CKAP5: variants seen among roughly 807,000 people sequenced by gnomAD.
The protein encoded by CKAP5 is cytoskeleton associated protein 5, also known as cytoskeleton-associated protein 5.
CKAP5 carries 27 observed loss-of-function variants against 232.8 expected under a neutral mutation model. That is an observed-to-expected ratio of 0.12 (90% CI 0.09 to 0.16). The LOEUF (loss-of-function observed/expected upper bound fraction) is 0.16. Among genes scored for constraint, CKAP5 ranks in the 10% least tolerant of loss-of-function variants. The pLI is 1.00. For synonymous variants in CKAP5, 785 were observed against 841.1 expected, an observed-to-expected ratio of 0.93 and a Z score of 1.16; for missense variants, 1,838 against 2,424.7, an observed-to-expected ratio of 0.76 and a Z score of 5.08.
In CKAP5 at chr11:46,762,775, G is replaced by A. The variant is rs1359955865; in HGVS notation, c.3892-13C>T. 3.1e-6 allele frequency: 5 copies of A among 1,612,390 alleles called. No homozygotes were observed. In the African/African-American group the frequency reaches 5.3e-5, roughly 17 times the overall value. On this transcript the variant is annotated splice_polypyrimidine_tract_variant and intron_variant, in intron 30 of 43. Transcript: ENST00000529230. ...TTGGTTCTCCAACCTAGTCGATAAG[G>A]AAAATAATGATTAAGTGAGGCATTT...
chr11:46,808,043 T>A lies in CKAP5; in HGVS notation c.966A>T (p.Lys322Asn). 1 of 1,612,966 alleles carries A rather than the reference T, an allele frequency of 6.2e-7. No individual in the cohort carries two copies. The highest frequency in any genetic ancestry group is 8.5e-7 in the Non-Finnish European group (1 of 1,179,038). ...TCCTCATATTTACCTTCTTTAATGC[T>A]TTTACTAAATCTGCATAATCGCCAG... is the stretch of plus-strand genomic sequence containing the variant. ...LEAGDYADLV[K>N]ALKKVVGKDT... Residue 322 changes from lysine (K) to asparagine (N), a missense_variant, in exon 8 of 44, where the codon AAA becomes AAT. Transcript: ENST00000529230.
chr11:46,837,598 G>A (rs901792069), intron 1 of CKAP5, among the ~76,000 whole-genome samples: 1 of 152,032 alleles, frequency 6.6e-6, no homozygotes, highest in Non-Finnish European at 1.5e-5. Context: ...CTAGCACTGG[G>A]ACAAGAAATA....
At chr11:46,756,616 T>C (rs929476656) in intron 35 of CKAP5, among the ~76,000 whole-genome samples, 13 of 152,204 alleles carry the variant, frequency 8.5e-5, no homozygotes, top group African/African-American at 3.1e-4. Context: ...CCATTCCATT[T>C]TCTCTAATGA....
chr11:46,778,117 A>T (rs761023664), intron 22 of CKAP5, 22 bp downstream of exon 22: 14 of 1,597,320 alleles, frequency 8.8e-6, no homozygotes, highest in Non-Finnish European at 1.1e-5. Context: ...AGATAAAAAG[A>T]ACAGCCGTAT....
rs1023108863 is a variant in CKAP5, at chr11:46,751,432, C to T, written c.5236G>A (p.Glu1746Lys). 1.2e-6 allele frequency: 2 copies of T among 1,613,942 alleles called. No homozygotes were observed. Among genetic ancestry groups the T allele is most frequent in the South Asian group, 1.1e-5 (1 of 91,084 alleles). ...IHIFMKVFPK[E>K]KLKQCKSEFP... ...TCACTTTTGCATTGCTTCAGTTTCT[C>T]TTTGGGGAAGACCTTCATGAAAATG... The change falls in exon 39 of 44, where the codon GAG becomes AAG. Residue 1746 changes from glutamate (E) to lysine (K), a missense_variant. By Grantham distance (56) the Glu-to-Lys change is moderately conservative. Around this residue, in one of 6 missense-constraint regions of CKAP5, gnomAD observed 579 missense variants for 843.2 expected, o/e 0.69. Coordinates refer to ENST00000529230, the MANE Select transcript of CKAP5 (RefSeq NM_001008938.4).
rs539044228 is a variant in CKAP5 at position 46,837,321 on chromosome 11, GT to G, written c.-38+8898del. Among the ~76,000 whole-genome samples the G allele has an allele frequency of 2.7e-3, 405 of 152,170 alleles. 3 individuals are homozygous for G. The highest frequency in any genetic ancestry group is 9.3e-3 in the African/African-American group (387 of 41,518). ...ATTGGAGACACCAGTAGGAACTCAT[GT>G]TTTTCCCCCCCGCCCATACTACTGA... On this transcript the variant is annotated intron_variant, in intron 1 of 43. Coordinates refer to ENST00000529230, the MANE Select transcript of CKAP5 (RefSeq NM_001008938.4).
In CKAP5 at chr11:46,750,351, A is replaced by G. The variant is rs1383309614; in HGVS notation, c.5627T>C (p.Phe1876Ser). Residue 1876 changes from phenylalanine (F) to serine (S), a missense_variant, in exon 42 of 44, where the codon TTC becomes TCC. Transcript: ENST00000529230. ...AAGGCCTCTTTCGACATAGCTCTGG[A>G]AGAACTGTGAGGAATTTTTCAGAAA... Reference protein sequence around the residue: ...EPFLKNSSQFFQSYVERGLRV... With the variant: ...EPFLKNSSQFSQSYVERGLRV... 1 of 1,614,112 alleles carries G rather than the reference A, an allele frequency of 6.2e-7. No homozygotes were observed. The highest frequency in any genetic ancestry group is 1.1e-5 in the South Asian group (1 of 91,080).
chr11:46,748,314 C>A (rs1256353729), intron 42 of CKAP5, among the ~76,000 whole-genome samples: 1 of 152,120 alleles, frequency 6.6e-6, no homozygotes, highest in African/African-American at 2.4e-5. Context: ...TGAGAGAGAA[C>A]ACACACACCA....
At chr11:46,777,953 T>G (rs1281629491) in intron 22 of CKAP5, among the ~76,000 whole-genome samples, 186 bp downstream of exon 22, 1 of 152,208 alleles carries the variant, frequency 6.6e-6, no homozygotes, top group African/African-American at 2.4e-5. Flanking sequence ...TCATAAAAAT[T>G]TGATGAATAA....
intron 25 of CKAP5, 46 bp from the exon 26 acceptor site, chr11:46,770,144 T>TA: frequency 1.3e-6 from 2 of 1,588,214 alleles, no homozygotes; most frequent in Non-Finnish European, 1.7e-6. Context: ...ACATAAATGA[T>TA]AAAGTCATAC....
intron 9 of CKAP5, among the ~76,000 whole-genome samples, chr11:46,800,057 ATTG>A (rs1483214661): frequency 6.6e-6 from 1 of 152,156 alleles, no homozygotes; most frequent in Non-Finnish European, 1.5e-5. Flanking sequence ...GTAGGAAAAA[ATTG>A]TTTTTTATCT....
At chr11:46,773,410 A>C (rs2065266206) in intron 24 of CKAP5, among the ~76,000 whole-genome samples, 1 of 151,646 alleles carries the variant, frequency 6.6e-6, no homozygotes, top group Admixed American at 6.6e-5. Flanking sequence ...CACCATGCCC[A>C]GCTAATTTTT....
chr11:46,841,728 C>T (rs986290597), intron 1 of CKAP5, among the ~76,000 whole-genome samples: 2 of 151,944 alleles, frequency 1.3e-5, no homozygotes, highest in East Asian at 1.9e-4. Context: ...TGGCTCGGCA[C>T]GGTGGCTCAC....
Position 46,780,276 on chromosome 11 carries a change from A to G in CKAP5, c.2351T>C (p.Leu784Pro), listed in dbSNP as rs892771151. The change falls in exon 20 of 44, where the codon CTG (leucine) becomes CCG (proline). Residue 784 changes from leucine to proline, a missense_variant. This residue lies in a region of CKAP5 where 767 missense variants were observed against 954.6 expected (regional missense o/e 0.80). Transcript: ENST00000529230. ...CATTCGCAAAGAGGGACCAACATAC[A>G]GATACATCACGCCAAGCAGGGTTAT... ...AAITLLGVMY[L>P]YVGPSLRMFF... is the part of the protein sequence containing the mutation. 8 of 1,614,004 alleles carry G rather than the reference A, an allele frequency of 5.0e-6. No homozygotes were observed. The highest frequency in any genetic ancestry group is 1.1e-5 in the South Asian group (1 of 91,088).
At position 46,783,277 on chromosome 11, in the gene CKAP5, G is replaced by A. The variant is rs1249127522; in HGVS notation, c.2246C>T (p.Ser749Phe). ...LSNAIKEFGF[S>F]GLNVKAFISN... is the part of the protein sequence containing the mutation. The stretch of plus-strand genomic sequence containing the variant: ...ACTTGATTTCGTTCTGACTTACCCA[G>A]AAAAACCAAATTCTTTTATGGCATT... Residue 749 changes from serine to phenylalanine, a missense_variant, in exon 18 of 44, where the codon TCT becomes TTT. Ser to Phe is a radical substitution (Grantham distance 155). This residue lies in a region of CKAP5 where 767 missense variants were observed against 954.6 expected (regional missense o/e 0.80). Transcript: ENST00000529230. 1.9e-6 allele frequency: 3 copies of A among 1,599,868 alleles called. No homozygotes were observed. In the Admixed American group the frequency reaches 5.0e-5, roughly 27 times the overall value.
At chr11:46,759,972 A>G (rs1395129336) in intron 33 of CKAP5, among the ~76,000 whole-genome samples, 20 of 152,210 alleles carry the variant, frequency 1.3e-4, no homozygotes, top group Non-Finnish European at 2.9e-4. Context: ...CTTTACATCC[A>G]AGAAATAGGG....
chr11:46,835,070 ACTTCTAGTTAT>A (rs1939884813), intron 1 of CKAP5, among the ~76,000 whole-genome samples: 1 of 151,974 alleles, frequency 6.6e-6, no homozygotes, highest in African/African-American at 2.4e-5. Flanking sequence ...TCAAGCTAAC[ACTTCTAGTTAT>A]CTTGTAGCAG....
At chr11:46,845,027 T>C (rs1257434310) in intron 1 of CKAP5, among the ~76,000 whole-genome samples, 1 of 152,226 alleles carries the variant, frequency 6.6e-6, no homozygotes, top group Non-Finnish European at 1.5e-5. Context: ...AATAAATTGA[T>C]TTCACCTTTA....
At chr11:46,822,188 G>A (rs1446285568) in intron 1 of CKAP5, among the ~76,000 whole-genome samples, 3 of 152,124 alleles carry the variant, frequency 2.0e-5, no homozygotes, top group Non-Finnish European at 4.4e-5. Context: ...AGCTGAGGTG[G>A]GAGGACTACT....
Sources: allele counts gnomAD v4.1 joint callset (sites outside exome capture counted in the v4.1 genomes callset), GRCh38; gene constraint gnomAD v4.1.1; regional missense constraint gnomAD v4.1.1; transcripts MANE v1.5; gene names NCBI Gene and HGNC (gene_info 2026-07-23, HGNC 2026-07-21).